Variants in CSMD3 observed in about 807,000 individuals in gnomAD.
CSMD3 encodes the protein CUB and Sushi multiple domains 3, also known as CUB and sushi domain-containing protein 3.
A neutral mutation model predicts 435.2 loss-of-function variants in CSMD3; 177 were observed. That is an observed-to-expected ratio of 0.41 (90% CI 0.36 to 0.46). The LOEUF (loss-of-function observed/expected upper bound fraction) is 0.46, where lower values mean the gene tolerates loss of function less well. Ranked by LOEUF, CSMD3 falls within the 20% of genes least tolerant of loss-of-function variation. The probability of loss-of-function intolerance (pLI) is 0.34; values close to 1 mark genes in which losing one functional copy is unlikely to be tolerated. For synonymous variants in CSMD3, 1,656 were observed against 1,520.5 expected, an observed-to-expected ratio of 1.09 and a Z score of -2.07; for missense variants, 4,265 against 4,504.6, an observed-to-expected ratio of 0.95 and a Z score of 1.52.
intron 13 of CSMD3, among the ~76,000 whole-genome samples, chr8:112,745,093 C>A (rs1230484538): frequency 6.6e-6 from 1 of 152,028 alleles, no homozygotes; most frequent in South Asian, 2.1e-4. Context: ...GCAAAACAGA[C>A]CTGAAACAAA....
chr8:112,462,304 A>G (rs955010323), intron 32 of CSMD3, among the ~76,000 whole-genome samples: 2 of 152,230 alleles, frequency 1.3e-5, no homozygotes, highest in Admixed American at 1.3e-4. Flanking sequence ...GCAAAAACTA[A>G]AAACAACCAT....
At chr8:113,180,815 C>G (rs1478096488) in intron 3 of CSMD3, among the ~76,000 whole-genome samples, 1 of 151,960 alleles carries the variant, frequency 6.6e-6, no homozygotes, top group Non-Finnish European at 1.5e-5. Flanking sequence ...TGATTCAATT[C>G]TGTTTCTATG....
intron 3 of CSMD3, among the ~76,000 whole-genome samples, chr8:113,207,174 T>C (rs1223578162): frequency 6.6e-6 from 1 of 152,174 alleles, no homozygotes; most frequent in East Asian, 1.9e-4. Context: ...CTTTCTTCAT[T>C]GAAAACTTTC....
intron 5 of CSMD3, among the ~76,000 whole-genome samples, chr8:113,059,971 G>A (rs1233008144): frequency 6.9e-6 from 1 of 145,594 alleles, no homozygotes; most frequent in African/African-American, 2.6e-5. Flanking sequence ...AGACTTTAGG[G>A]CCTTGTTTTA....
At chr8:113,115,725 T>C (rs1466440196) in intron 4 of CSMD3, among the ~76,000 whole-genome samples, 1 of 152,234 alleles carries the variant, frequency 6.6e-6, no homozygotes, top group African/African-American at 2.4e-5. Context: ...ATGGTTATTA[T>C]GTCTATAATG....
chr8:112,540,338 G>A (rs1476096160), intron 27 of CSMD3, among the ~76,000 whole-genome samples: 1 of 152,018 alleles, frequency 6.6e-6, no homozygotes, highest in African/African-American at 2.4e-5. Flanking sequence ...TGGTGTGAAT[G>A]TTAATTAATG....
intron 38 of CSMD3, among the ~76,000 whole-genome samples, chr8:112,370,082 AAGTAGT>A (rs377246718): frequency 0.015 from 1,533 of 103,194 alleles, 116 homozygotes; most frequent in South Asian, 0.032. Context: ...GAAGAAGAAG[AAGTAGT>A]AGTAGTAGTA....
intron 59 of CSMD3, among the ~76,000 whole-genome samples, chr8:112,274,814 T>C (rs144185814): frequency 6.6e-6 from 1 of 152,306 alleles, no homozygotes; most frequent in African/African-American, 2.4e-5. Context: ...AGTATGTATC[T>C]ACACAAAAAT....
intron 3 of CSMD3, among the ~76,000 whole-genome samples, chr8:113,185,065 G>C (rs1366314073): frequency 6.6e-6 from 1 of 151,960 alleles, no homozygotes; most frequent in Non-Finnish European, 1.5e-5. Flanking sequence ...CACTTACTTA[G>C]GGTATGGTTA....
intron 10 of CSMD3, among the ~76,000 whole-genome samples, chr8:112,912,080 G>GTT (rs1191913016): frequency 6.8e-6 from 1 of 146,642 alleles, no homozygotes; most frequent in East Asian, 2.0e-4. Context: ...AGATCAAGGA[G>GTT]TTTTATATAT....
At chr8:113,268,301 C>T (rs532227354) in intron 3 of CSMD3, among the ~76,000 whole-genome samples, 1 of 151,876 alleles carries the variant, frequency 6.6e-6, no homozygotes, top group South Asian at 2.1e-4. Flanking sequence ...GGTTATACGA[C>T]TATTAAACTT....
chr8:112,410,495 A>T (rs1586231738), intron 32 of CSMD3, among the ~76,000 whole-genome samples: 1 of 122,736 alleles, frequency 8.1e-6, no homozygotes. Context: ...AAATACTCCA[A>T]ATATATATAT....
intron 11 of CSMD3, among the ~76,000 whole-genome samples, chr8:112,830,579 TAG>T (rs1186723877): frequency 2.0e-5 from 3 of 152,202 alleles, no homozygotes; most frequent in East Asian, 1.9e-4. Flanking sequence ...ATGTCCTGCA[TAG>T]AGTCATGCTT....
intron 32 of CSMD3, 115 bp from the exon 33 acceptor site, chr8:112,409,147 G>A (rs1482351462): frequency 6.5e-7 from 1 of 1,534,088 alleles, no homozygotes; most frequent in Non-Finnish European, 8.8e-7. Context: ...CAATATAATA[G>A]TCATTTTTTT....
chr8:112,442,866 C>G (rs1815185400), intron 32 of CSMD3, among the ~76,000 whole-genome samples: 1 of 152,160 alleles, frequency 6.6e-6, no homozygotes, highest in East Asian at 1.9e-4. Flanking sequence ...AACATGCAGA[C>G]AAGGCCAACA....
In CSMD3 at chr8:112,801,864, A is replaced by G. The variant is rs80088842; in HGVS notation, c.1860-1590T>C. ...ACCATATCAAACATACCAGCAAACT[A>G]CCTCAAAGAGAATACTAAGAGTTGT... On this transcript the variant is annotated intron_variant, in intron 12 of 70. Transcript: ENST00000297405. Among the ~76,000 whole-genome samples, 582 of 152,102 alleles carry G rather than the reference A, an allele frequency of 3.8e-3. 2 individuals are homozygous for G. The highest frequency in any genetic ancestry group is 0.013 in the African/African-American group (550 of 41,536).
chr8:112,829,915 ACACACACACAC>A, intron 11 of CSMD3, 126 bp from the exon 12 acceptor site: 2 of 621,578 alleles, frequency 3.2e-6, no homozygotes, highest in Non-Finnish European at 5.7e-6. Flanking sequence ...ACACACACAC[ACACACACACAC>A]AAGCAGTTCA....
chr8:112,252,293 A>T (rs1478218871), intron 63 of CSMD3, among the ~76,000 whole-genome samples: 1 of 151,948 alleles, frequency 6.6e-6, no homozygotes, highest in Non-Finnish European at 1.5e-5. Context: ...TTCTGTATGT[A>T]GCTGAGATGT....
chr8:112,781,746 T>C (rs2078392451), intron 13 of CSMD3, among the ~76,000 whole-genome samples: 1 of 152,002 alleles, frequency 6.6e-6, no homozygotes, highest in Admixed American at 6.6e-5. Context: ...AGAGACTCTG[T>C]TGGGAGGAAA....
Sources: allele counts gnomAD v4.1 joint callset (sites outside exome capture counted in the v4.1 genomes callset), GRCh38; gene constraint gnomAD v4.1.1; transcripts MANE v1.5; gene names NCBI Gene and HGNC (gene_info 2026-07-23, HGNC 2026-07-21).